IGF2R: variants seen among roughly 807,000 people sequenced by gnomAD.
IGF2R encodes the protein insulin like growth factor 2 receptor.
A neutral mutation model predicts 270.6 loss-of-function variants in IGF2R; 91 were observed. The observed-to-expected ratio is 0.34, with a 90% confidence interval of 0.28 to 0.40. IGF2R has a LOEUF of 0.40. Ranked by LOEUF, IGF2R falls within the 10% of genes least tolerant of loss-of-function variation. The probability of loss-of-function intolerance (pLI) is 1.00; values close to 1 mark genes in which losing one functional copy is unlikely to be tolerated. For missense variants in IGF2R, 2,805 were observed against 3,188.3 expected (o/e 0.88, Z 2.90); for synonymous variants, 1,316 against 1,258.9 (o/e 1.05, Z -0.96).
intron 4 of IGF2R, among the ~76,000 whole-genome samples, chr6:160,018,215 A>G (rs571446290): frequency 6.6e-6 from 1 of 152,182 alleles, no homozygotes; most frequent in Admixed American, 6.5e-5. Context: ...AGACCCACCT[A>G]TACTTAGATA....
intron 4 of IGF2R, among the ~76,000 whole-genome samples, chr6:160,023,815 A>G (rs993298009): frequency 6.6e-6 from 1 of 152,212 alleles, no homozygotes; most frequent in Non-Finnish European, 1.5e-5. Context: ...GCACGAGGTC[A>G]CCAAGGGATT....
chr6:160,020,120 A>G (rs957768669), intron 4 of IGF2R, among the ~76,000 whole-genome samples: 1 of 152,148 alleles, frequency 6.6e-6, no homozygotes, highest in South Asian at 2.1e-4. Context: ...CAGGATACAG[A>G]GTCATTGTAC....
chr6:159,997,276 C>A (rs984631467), intron 2 of IGF2R, among the ~76,000 whole-genome samples: 2 of 149,322 alleles, frequency 1.3e-5, no homozygotes, highest in Admixed American at 6.7e-5. Context: ...CCTGCAGCTC[C>A]CCTGGGTCCA....
Position 160,084,132 on chromosome 6 carries a change from C to CGGCT in IGF2R, c.6018_6021dup (p.Leu2008AlafsTer28), listed in dbSNP as rs1248833629. On this transcript the variant is annotated frameshift_variant, in exon 40 of 48. Coordinates refer to ENST00000356956, the MANE Select transcript of IGF2R (RefSeq NM_000876.4). LOFTEE classifies it high-confidence loss of function. This position sits in a 1 kb window ranked among gnomAD's most constrained non-coding sequence, Gnocchi z 4.6. Reference sequence around the variant, plus strand: ...CCAGAAACACAAAACCTACGACCTGCGGCTGCTCTCCTCTCTCACCGGGTC... The same window carrying CGGCT: ...CCAGAAACACAAAACCTACGACCTGCGGCTGGCTGCTCTCCTCTCTCACCGGGTC... The CGGCT allele has an allele frequency of 6.2e-7, 1 of 1,613,992 alleles. No homozygotes were observed. The highest frequency in any genetic ancestry group is 1.3e-5 in the African/African-American group (1 of 74,906).
chr6:160,016,055 G>C (rs185591230), intron 4 of IGF2R, among the ~76,000 whole-genome samples: 2 of 152,302 alleles, frequency 1.3e-5, no homozygotes, highest in Non-Finnish European at 2.9e-5. Context: ...AAATTACCCA[G>C]TCTCAGGTAT....
At chr6:160,094,235 A>G (rs1358805739) in intron 44 of IGF2R, 2 of 328,214 alleles carry the variant, frequency 6.1e-6, no homozygotes, top group Non-Finnish European at 1.2e-5. Flanking sequence ...CCAGTTCTTC[A>G]TTTATAAATA....
chr6:160,094,360 C>T (rs562676616), intron 44 of IGF2R: 45 of 223,786 alleles, frequency 2.0e-4, no homozygotes, highest in African/African-American at 7.9e-4. Context: ...ATGTAGACTG[C>T]ACCTGCTGCC....
intron 29 of IGF2R, 57 bp from the exon 30 acceptor site, chr6:160,068,192 C>T: frequency 6.3e-7 from 1 of 1,592,990 alleles, no homozygotes; most frequent in Non-Finnish European, 8.6e-7. Context: ...ACAGAGTGCC[C>T]AATGTTTAAA....
chr6:160,026,390 A>G (rs1777561513), intron 5 of IGF2R, among the ~76,000 whole-genome samples: 1 of 152,188 alleles, frequency 6.6e-6, no homozygotes, highest in Non-Finnish European at 1.5e-5. Context: ...GGGAGGTAAG[A>G]TTATTCACTC....
rs1562367777 is a variant in IGF2R at position 160,072,726 on chromosome 6, CCTGGAGTCA to C, written c.4571-35_4571-27del. On this transcript the variant is annotated intron_variant, in intron 32 of 47. Transcript: ENST00000356956. ...TGATGAGCCTCCCAAGTCTCAGCTC[CCTGGAGTCA>C]CTGTGTCCCCATCTTCTTCCACCCT... 2.5e-6 allele frequency: 4 copies of C among 1,613,742 alleles called. No individual in the cohort carries two copies. The East Asian group carries it at 6.7e-5, about 27-fold the overall frequency.
chr6:160,070,406 C>T (rs568036377), intron 31 of IGF2R, among the ~76,000 whole-genome samples: 7 of 152,256 alleles, frequency 4.6e-5, no homozygotes, highest in South Asian at 2.1e-4. Flanking sequence ...TGGCTGGGCC[C>T]GGGTCACAGG....
Position 160,105,175 on chromosome 6 carries a change from T to A in IGF2R, c.*91T>A. The stretch of plus-strand genomic sequence containing the variant: ...TTCCACTCGATGATGCTTCTATAAT[T>A]TTGCCTTTAACAGAAACTTTCAAAA... On this transcript the variant is annotated 3_prime_UTR_variant, in exon 48 of 48. Coordinates refer to ENST00000356956, the MANE Select transcript of IGF2R (RefSeq NM_000876.4). The A allele has an allele frequency of 8.2e-7, 1 of 1,222,982 alleles. No individual in the cohort carries two copies. The highest frequency in any genetic ancestry group is 1.1e-6 in the Non-Finnish European group (1 of 893,308). The allele number at this position is 1,222,982 out of a possible 1,614,324, so 75.8% of individuals were successfully genotyped here. A position where few individuals can be genotyped will look rare whatever the true frequency, so the allele number is the denominator to read the frequency against.
At chr6:160,022,669 C>T (rs1777465427) in intron 4 of IGF2R, among the ~76,000 whole-genome samples, 1 of 152,118 alleles carries the variant, frequency 6.6e-6, no homozygotes, top group South Asian at 2.1e-4. Flanking sequence ...CTCAAGGAGC[C>T]CCTATTATAG....
At chr6:160,088,284 C>T (rs1374879261) in intron 42 of IGF2R, 137 bp downstream of exon 42, 6 of 650,210 alleles carry the variant, frequency 9.2e-6, no homozygotes, top group South Asian at 3.4e-5. Flanking sequence ...CTGTATTGGG[C>T]GGGGCTGCTC....
intron 21 of IGF2R, 119 bp downstream of exon 21, chr6:160,058,243 A>G: frequency 1.5e-6 from 1 of 675,800 alleles, no homozygotes; most frequent in Non-Finnish European, 2.7e-6. Context: ...GGCAGCTCTT[A>G]CTCAGAAGGA....
chr6:160,073,607 C>T, intron 34 of IGF2R, 138 bp downstream of exon 34: 1 of 1,120,468 alleles, frequency 8.9e-7, no homozygotes, highest in Non-Finnish European at 1.3e-6. Flanking sequence ...ATAAAGTTGA[C>T]TGGAAGTGCC....
chr6:160,003,674 G>T (rs1784165334), intron 2 of IGF2R: 1 of 152,156 alleles, frequency 6.6e-6, no homozygotes, highest in African/African-American at 2.4e-5. Flanking sequence ...GTCATATGTA[G>T]GCACCGGTTT....
intron 10 of IGF2R, among the ~76,000 whole-genome samples, chr6:160,036,374 G>A (rs1285384615): frequency 1.3e-5 from 2 of 152,106 alleles, no homozygotes; most frequent in South Asian, 2.1e-4. Context: ...CCCCAGGGAT[G>A]CAGCCTGTAT....
At chr6:160,005,596 C>G (rs1284448330) in intron 2 of IGF2R, 3 of 152,232 alleles carry the variant, frequency 2.0e-5, no homozygotes, top group Non-Finnish European at 4.4e-5. Flanking sequence ...GTGACCCGCA[C>G]ATTATGAGGG....
Sources: gnomAD v4.1 joint callset for allele counts (sites outside exome capture counted in the v4.1 genomes callset) on GRCh38, gnomAD v4.1.1 for gene constraint, Gnocchi (gnomAD v3.1) non-coding constraint, MANE v1.5 for transcripts, NCBI Gene and HGNC (gene_info 2026-07-23, HGNC 2026-07-21) for gene names.